The following ABCA9 variants were observed in gnomAD, a reference collection of about 807,000 sequenced individuals.
ABCA9 encodes the protein ATP-binding cassette sub-family A member 9.
Under a neutral mutation model 205.3 loss-of-function variants are expected in ABCA9, and 183 were observed. That is an observed-to-expected ratio of 0.89 (90% CI 0.79 to 1.01). The LOEUF is 1.01. ABCA9 is among the 50% of genes least tolerant of loss of function. The pLI is 0.00. For synonymous variants in ABCA9, 651 were observed against 683.3 expected (o/e 0.95, Z 0.74); for missense variants, 1,805 against 1,912.4 (o/e 0.94, Z 1.05).
intron 32 of ABCA9, 109 bp from the exon 33 acceptor site, chr17:68,985,237 A>G: frequency 7.0e-7 from 1 of 1,425,586 alleles, no homozygotes; most frequent in Non-Finnish European, 9.8e-7. Flanking sequence ...ATGAGTGGTC[A>G]GAGTGGTCAT....
Position 69,049,405 on chromosome 17 carries a change from G to A in ABCA9, c.182C>T (p.Ser61Phe). 1 of 1,612,918 alleles carries A rather than the reference G, an allele frequency of 6.2e-7. No individual in the cohort carries two copies. The highest frequency in any genetic ancestry group is 1.3e-5 in the African/African-American group (1 of 74,960). The change falls in exon 3 of 39, where the codon TCT (serine) becomes TTT (phenylalanine). Residue 61 changes from serine (S) to phenylalanine (F), a missense_variant. Coordinates refer to ENST00000340001, the MANE Select transcript of ABCA9 (RefSeq NM_080283.4). ...ATCTACACGTCCCAGATCCATTGAA[G>A]ACATTTGAGGAGTGTCATGAACTTG... ...LHQVHDTPQM[S>F]SMDLGRVDSF...
intron 19 of ABCA9, 22 bp from the exon 20 acceptor site, chr17:69,018,601 A>G: frequency 6.5e-7 from 1 of 1,530,626 alleles, no homozygotes; most frequent in South Asian, 1.3e-5. Flanking sequence ...AAAATGTAAA[A>G]GAAAAAAATA....
chr17:68,998,645 A>G (rs908971799), intron 25 of ABCA9, among the ~76,000 whole-genome samples: 2 of 151,928 alleles, frequency 1.3e-5, no homozygotes, highest in Non-Finnish European at 2.9e-5. Context: ...CTACATAAAA[A>G]ATATTAATTA....
chr17:69,070,810 T>C, the ABCA9 span, among the ~76,000 whole-genome samples: 1 of 152,126 alleles, frequency 6.6e-6, no homozygotes, highest in Non-Finnish European at 1.5e-5. Flanking sequence ...GATCACACCT[T>C]CACAGAGCCC....
chr17:69,030,537 A>T lies in ABCA9; in HGVS notation c.1446-1310T>A, dbSNP rs561853571. On this transcript the variant is annotated intron_variant, in intron 10 of 38. Coordinates refer to ENST00000340001, the MANE Select transcript of ABCA9 (RefSeq NM_080283.4). Reference sequence around the variant, plus strand: ...GGGGATATAATTCAATTTATCGAAGAGGTACAATCCAGTTAAATACAGAAG... The same window carrying T: ...GGGGATATAATTCAATTTATCGAAGTGGTACAATCCAGTTAAATACAGAAG... Among the ~76,000 whole-genome samples the T allele has an allele frequency of 1.4e-3, 211 of 152,332 alleles. 3 individuals carry two copies. The highest frequency in any genetic ancestry group is 0.014 in the Admixed American group (211 of 15,290).
At chr17:69,009,663 T>C (rs1228306611) in intron 23 of ABCA9, among the ~76,000 whole-genome samples, 1 of 152,122 alleles carries the variant, frequency 6.6e-6, no homozygotes, top group African/African-American at 2.4e-5. Flanking sequence ...GGATGAAAAA[T>C]AGAGACGACT....
At chr17:69,037,824 G>A (rs901477342) in intron 6 of ABCA9, among the ~76,000 whole-genome samples, 2 of 151,802 alleles carry the variant, frequency 1.3e-5, no homozygotes, top group African/African-American at 4.8e-5. Context: ...CTTCTAGTCA[G>A]ACTAATAAAG....
At chr17:69,078,835 T>C in the ABCA9 span, 1 of 528,422 alleles carries the variant, frequency 1.9e-6, no homozygotes, top group Non-Finnish European at 3.2e-6. Flanking sequence ...AATTTTAAAA[T>C]TTATGTATTT....
At chr17:69,025,363 AGAG>A (rs1424708514) in intron 16 of ABCA9, among the ~76,000 whole-genome samples, 2 of 152,218 alleles carry the variant, frequency 1.3e-5, no homozygotes, top group African/African-American at 2.4e-5. Context: ...GTTCCAGAAA[AGAG>A]GATACTCATT....
At chr17:68,987,066 T>C (rs1303927216) in intron 31 of ABCA9, among the ~76,000 whole-genome samples, 3 of 152,244 alleles carry the variant, frequency 2.0e-5, no homozygotes, top group Non-Finnish European at 4.4e-5. Context: ...GCTTCCTATG[T>C]GCCAGAATCT....
In ABCA9 at chr17:68,989,883, T is replaced by C; in HGVS notation, c.3885A>G (p.Lys1295=). Residue 1295 remains lysine, a synonymous_variant, in exon 30 of 39, where the codon AAA becomes AAG. Transcript: ENST00000340001. ...TCCTTTTAGAAAAGCAATTTTTCTT[T>C]TTGCCTGCATATTCCTTCCGTAGAC... ...ASCLRKEYAG[K]KKNCFSKRKK... is the part of the protein sequence containing the mutation. 6.2e-7 allele frequency: 1 copy of C among 1,613,598 alleles called. No individual in the cohort carries two copies. Among genetic ancestry groups the C allele is most frequent in the Non-Finnish European group, 8.5e-7 (1 of 1,179,624 alleles).
At chr17:68,989,712 C>CGTTTGTCAATA in intron 30 of ABCA9, 101 bp downstream of exon 30, 1 of 724,974 alleles carries the variant, frequency 1.4e-6, no homozygotes, top group Non-Finnish European at 2.3e-6. Flanking sequence ...TAGCCTGCTG[C>CGTTTGTCAATA]GTTTGTCAAT....
chr17:69,003,339 CT>C (rs1347463499), intron 25 of ABCA9, among the ~76,000 whole-genome samples: 2 of 150,608 alleles, frequency 1.3e-5, no homozygotes, highest in African/African-American at 4.9e-5. Context: ...TCAGCATTTG[CT>C]TGTCTGTAAA....
intron 37 of ABCA9, among the ~76,000 whole-genome samples, chr17:68,978,729 C>T (rs1230733862): frequency 6.6e-6 from 1 of 152,154 alleles, no homozygotes; most frequent in Non-Finnish European, 1.5e-5. Context: ...ACTTATGAAG[C>T]TTAGTTTGGC....
chr17:69,037,037 C>T (rs2071366608), intron 6 of ABCA9, among the ~76,000 whole-genome samples: 1 of 151,788 alleles, frequency 6.6e-6, no homozygotes, highest in African/African-American at 2.4e-5. Context: ...TATAGGCACC[C>T]AATACAGGAG....
chr17:69,037,612 G>A (rs940744572), intron 6 of ABCA9, among the ~76,000 whole-genome samples: 6 of 151,888 alleles, frequency 4.0e-5, no homozygotes, highest in Non-Finnish European at 8.8e-5. Flanking sequence ...AGGAGAAAAC[G>A]GGAAAGGTCT....
rs115045540 is a variant in ABCA9 at position 69,025,214 on chromosome 17, C to T, written c.2142-861G>A. 7.8e-3 allele frequency among the ~76,000 whole-genome samples: 1,195 copies of T among 152,234 alleles called. 12 individuals carry two copies. The highest frequency in any genetic ancestry group is 0.027 in the African/African-American group (1,116 of 41,540). On this transcript the variant is annotated intron_variant, in intron 16 of 38. Coordinates refer to ENST00000340001, the MANE Select transcript of ABCA9 (RefSeq NM_080283.4). ...CTCAGTTGAGCACTTTGCAGCTTGT[C>T]AAGTATTCATTCACTCAATATTTCT...
intron 23 of ABCA9, among the ~76,000 whole-genome samples, chr17:69,010,785 A>G (rs556420156): frequency 6.6e-6 from 1 of 152,296 alleles, no homozygotes; most frequent in African/African-American, 2.4e-5. Context: ...AGAATTTCCA[A>G]TGGATTAAAT....
intron 3 of ABCA9, among the ~76,000 whole-genome samples, chr17:69,046,875 CTATA>C (rs71144650): frequency 0.17 from 21,167 of 126,122 alleles, 1,817 homozygotes; most frequent in East Asian, 0.3. Flanking sequence ...CGATTTTATA[CTATA>C]TATATATATA....
Sources: allele counts gnomAD v4.1 joint callset (sites outside exome capture counted in the v4.1 genomes callset), GRCh38; gene constraint gnomAD v4.1.1; transcripts MANE v1.5; gene names NCBI Gene and HGNC (gene_info 2026-07-23, HGNC 2026-07-21).